MSS51: variants seen among roughly 807,000 people sequenced by gnomAD.
MSS51 encodes MSS51 mitochondrial translational activator, also known as putative protein MSS51 homolog, mitochondrial.
Under a neutral mutation model 40.2 loss-of-function variants are expected in MSS51, and 32 were observed. That is an observed-to-expected ratio of 0.80 (90% CI 0.60 to 1.07). The LOEUF (loss-of-function observed/expected upper bound fraction) is 1.07. MSS51 is among the 50% of genes least tolerant of loss of function. The pLI is 0.00. For synonymous variants in MSS51, 178 were observed against 214.2 expected (o/e 0.83, Z 1.48); for missense variants, 518 against 568.9 (o/e 0.91, Z 0.91).
chr10:73,423,648 G>A lies in MSS51; in HGVS notation c.*905C>T, dbSNP rs1406748085. On this transcript the variant is annotated 3_prime_UTR_variant, in exon 7 of 7. Transcript: ENST00000299432. ...TAATAAGTAACTCCAGTATATTCAG[G>A]TAAAGTCTGATATAGCTTGGGATAT... The A allele has an allele frequency of 6.6e-6, 1 of 152,158 alleles. No individual in the cohort carries two copies. The highest frequency in any genetic ancestry group is 2.4e-5 in the African/African-American group (1 of 41,422). The allele number at this position is 152,158 out of a possible 1,614,324, so 9.4% of individuals were successfully genotyped here.
rs779712116 is a variant in MSS51 at position 73,424,547 on chromosome 10, A to C, written c.*6T>G. ...CCCGTTTTCCAGATGTCCAGTTATG[A>C]TCTATTTAAATCCCGCCGTCCACTT... On this transcript the variant is annotated 3_prime_UTR_variant, in exon 7 of 7. Coordinates refer to ENST00000299432, the MANE Select transcript of MSS51 (RefSeq NM_001024593.2). 1 of 1,606,482 alleles carries C rather than the reference A, an allele frequency of 6.2e-7. No individual in the cohort carries two copies. The highest frequency in any genetic ancestry group is 1.1e-5 in the South Asian group (1 of 90,952).
chr10:73,429,827 G>A (rs527565773), intron 1 of MSS51, among the ~76,000 whole-genome samples: 4 of 151,990 alleles, frequency 2.6e-5, no homozygotes, highest in African/African-American at 7.2e-5. Context: ...TAAATGTCTT[G>A]CAGGGAGATT....
chr10:73,428,325 CATGGA>C, intron 1 of MSS51, 24 bp from the exon 2 acceptor site: 7 of 1,521,254 alleles, frequency 4.6e-6, no homozygotes, highest in Non-Finnish European at 6.2e-6. Flanking sequence ...GCAGAATAGA[CATGGA>C]ATGGAATTTT....
chr10:73,428,862 T>C (rs569051206), intron 1 of MSS51, among the ~76,000 whole-genome samples: 125 of 151,358 alleles, frequency 8.3e-4, no homozygotes, highest in Middle Eastern at 3.4e-3. Flanking sequence ...TACACACACA[T>C]ATATATATAT....
intron 1 of MSS51, among the ~76,000 whole-genome samples, chr10:73,430,359 A>C (rs1229643178): frequency 6.6e-6 from 1 of 152,200 alleles, no homozygotes; most frequent in Non-Finnish European, 1.5e-5. Context: ...TGCACACCAT[A>C]TATCTGATAA....
Position 73,424,787 on chromosome 10 carries a change from GA to G in MSS51, c.1164-16del. ...ACTCCTGATGGCTGTAGAAGAGAGA[GA>G]AGAAAAATTACTCTACTGATTGTGA... On this transcript the variant is annotated splice_polypyrimidine_tract_variant and intron_variant, in intron 6 of 6. Transcript: ENST00000299432. The G allele has an allele frequency of 6.3e-7, 1 of 1,594,546 alleles. No homozygotes were observed. The highest frequency in any genetic ancestry group is 8.6e-7 in the Non-Finnish European group (1 of 1,162,464).
intron 2 of MSS51, 99 bp from the exon 3 acceptor site, chr10:73,427,867 C>T: frequency 7.2e-7 from 1 of 1,379,448 alleles, no homozygotes; most frequent in Non-Finnish European, 1.0e-6. Context: ...TCCACTTACT[C>T]CTATGTCTCC....
At chr10:73,432,153 C>T (rs1181658248) in intron 1 of MSS51, among the ~76,000 whole-genome samples, 1 of 152,186 alleles carries the variant, frequency 6.6e-6, no homozygotes, top group Non-Finnish European at 1.5e-5. Flanking sequence ...ATTCTCCTGC[C>T]TCAGCCTCCT....
At chr10:73,429,046 A>G (rs1456190689) in intron 1 of MSS51, among the ~76,000 whole-genome samples, 3 of 151,820 alleles carry the variant, frequency 2.0e-5, no homozygotes, top group Non-Finnish European at 4.4e-5. Flanking sequence ...CTGTACTAAA[A>G]ATACAAAAAA....
At chr10:73,431,212 T>C (rs1302628660) in intron 1 of MSS51, among the ~76,000 whole-genome samples, 1 of 152,208 alleles carries the variant, frequency 6.6e-6, no homozygotes, top group Non-Finnish European at 1.5e-5. Flanking sequence ...ACAAAATTGA[T>C]GGTTGAACAA....
chr10:73,426,274 C>T lies in MSS51; in HGVS notation c.606G>A (p.Leu202=), dbSNP rs368376786. Residue 202 remains leucine (L), a synonymous_variant, in exon 5 of 7, where the codon TTG becomes TTA. Coordinates refer to ENST00000299432, the MANE Select transcript of MSS51 (RefSeq NM_001024593.2). ...CAGCATGACTAACTAGCACAGCATC[C>T]AATGTAGCATCTAGGTGTAACCCCT... is the stretch of plus-strand genomic sequence containing the variant. ...SMKGLHLDAT[L]DAVLVSHAVT... 5 of 1,611,770 alleles carry T rather than the reference C, an allele frequency of 3.1e-6. No individual in the cohort carries two copies. The African/African-American group carries it at 6.7e-5, about 22-fold the overall frequency.
chr10:73,429,483 T>C, intron 1 of MSS51: 1 of 378,300 alleles, frequency 2.6e-6, no homozygotes, highest in Non-Finnish European at 5.3e-6. Flanking sequence ...AGACCTATTA[T>C]CACATGTATA....
intron 2 of MSS51, 93 bp from the exon 3 acceptor site, chr10:73,427,861 C>T (rs933630168): frequency 1.4e-6 from 2 of 1,443,644 alleles, no homozygotes; most frequent in African/African-American, 1.4e-5. Flanking sequence ...CACATTTCCA[C>T]TTACTCCTAT....
In MSS51 at chr10:73,426,660, T is replaced by C; in HGVS notation, c.449A>G (p.Gln150Arg). The C allele has an allele frequency of 6.2e-7, 1 of 1,614,198 alleles. No homozygotes were observed. Among genetic ancestry groups the C allele is most frequent in the Non-Finnish European group, 8.5e-7 (1 of 1,180,044 alleles). ...SDWPAHRRVCQELRLVAVDRL... is the reference protein window; with the variant it reads ...SDWPAHRRVCRELRLVAVDRL... ...GTCCACAGCCACAAGACGAAGCTCT[T>C]GACAAACCCTCCTGTGTGCGGGCCA... Residue 150 changes from glutamine to arginine, a missense_variant, in exon 4 of 7, where the codon CAA becomes CGA. By Grantham distance (43) the Gln-to-Arg change is conservative (BLOSUM62 1). Transcript: ENST00000299432.
intron 6 of MSS51, 84 bp downstream of exon 6, chr10:73,425,014 G>C: frequency 1.8e-6 from 2 of 1,097,338 alleles, no homozygotes; most frequent in Non-Finnish European, 2.8e-6. Context: ...AGGTAGATGA[G>C]CAAGAGGGGG....
chr10:73,425,176 G>C lies in MSS51; in HGVS notation c.1085C>G (p.Pro362Arg). 1 of 1,595,312 alleles carries C rather than the reference G, an allele frequency of 6.3e-7. No homozygotes were observed. The highest frequency in any genetic ancestry group is 8.5e-7 in the Non-Finnish European group (1 of 1,173,534). Residue 362 changes from proline (P) to arginine (R), a missense_variant, in exon 6 of 7, where the codon CCA becomes CGA. By Grantham distance (103) the Pro-to-Arg change is moderately radical (BLOSUM62 -2). Transcript: ENST00000299432. ...GGGCAGCCAAGCCTCCATCAAGTCT[G>C]GGGAGGAATGAAAACCTGTGGAACA... is the stretch of plus-strand genomic sequence containing the variant. Reference protein sequence around the residue: ...AAFHPGFHSSPDLMEAWLPTL... With the variant: ...AAFHPGFHSSRDLMEAWLPTL...
Position 73,426,221 on chromosome 10 carries a change from C to T in MSS51, c.659G>A (p.Arg220Gln), listed in dbSNP as rs535508041. 4.6e-5 allele frequency: 75 copies of T among 1,613,950 alleles called. 1 individual carries two copies. Among genetic ancestry groups the T allele is most frequent in the South Asian group, 3.5e-4 (32 of 91,090 alleles). Residue 220 changes from arginine (R) to glutamine (Q), a missense_variant, in exon 5 of 7, where the codon CGG (arginine) becomes CAG (glutamine). Physicochemically the swap from Arg to Gln is conservative, Grantham distance 43. Coordinates refer to ENST00000299432, the MANE Select transcript of MSS51 (RefSeq NM_001024593.2). Reference sequence around the variant, plus strand: ...CAGGACATCCGGGTCTGGCCTTGGCCGTCCTACACTGGCCCATAAGGTGGT... The same window carrying T: ...CAGGACATCCGGGTCTGGCCTTGGCTGTCCTACACTGGCCCATAAGGTGGT... The part of the protein sequence containing the change: ...AVTTLWASVG[R>Q]PRPDPDVLQG...
chr10:73,432,861 C>G (rs1410079118), intron 1 of MSS51, among the ~76,000 whole-genome samples: 2 of 152,160 alleles, frequency 1.3e-5, no homozygotes, highest in Non-Finnish European at 2.9e-5. Flanking sequence ...TAAAGAGCCC[C>G]AGGCTACTCC....
rs1564541178 is a variant in MSS51, at chr10:73,426,027, C to T, written c.853G>A (p.Glu285Lys). 3 of 1,614,238 alleles carry T rather than the reference C, an allele frequency of 1.9e-6. No homozygotes were observed. Among genetic ancestry groups the T allele is most frequent in the Non-Finnish European group, 2.5e-6 (3 of 1,180,034 alleles). ...TGCCCAGGAAACATGTAACCAAGCTCATCATAGTCCCCTGGGCGAGTAAGA... is the reference window on the plus strand; with the variant it reads ...TGCCCAGGAAACATGTAACCAAGCTTATCATAGTCCCCTGGGCGAGTAAGA... ...TFLTRPGDYD[E>K]LGYMFPGHLG... Residue 285 changes from glutamate (E) to lysine (K), a missense_variant, in exon 5 of 7, where the codon GAG becomes AAG. Physicochemically the swap from Glu to Lys is moderately conservative, Grantham distance 56. Coordinates refer to ENST00000299432, the MANE Select transcript of MSS51 (RefSeq NM_001024593.2).
Sources: gnomAD v4.1 joint callset for allele counts (sites outside exome capture counted in the v4.1 genomes callset) on GRCh38, gnomAD v4.1.1 for gene constraint, MANE v1.5 for transcripts, NCBI Gene and HGNC (gene_info 2026-07-23, HGNC 2026-07-21) for gene names.